The following GRM7 variants were observed in gnomAD, a reference collection of about 807,000 sequenced individuals.
GRM7 encodes glutamate metabotropic receptor 7.
Under a neutral mutation model 84.5 loss-of-function variants are expected in GRM7, and 35 were observed. The ratio of observed to expected loss-of-function variants is 0.41; its 90% CI spans 0.32 to 0.55. The LOEUF is 0.55. Among genes scored for constraint, GRM7 ranks in the 20% least tolerant of loss-of-function variants. GRM7 has a pLI of 0.19. For missense variants in GRM7, 1,003 were observed against 1,194.6 expected, an observed-to-expected ratio of 0.84 and a Z score of 2.36; for synonymous variants, 487 against 455.1, an observed-to-expected ratio of 1.07 and a Z score of -0.89.
chr3:7,645,495 C>T (rs1263547447), intron 8 of GRM7, among the ~76,000 whole-genome samples: 2 of 141,382 alleles, frequency 1.4e-5, no homozygotes, highest in Middle Eastern at 3.8e-3. Context: ...TGCAGTGAGC[C>T]GAGGTTGCCC....
chr3:7,532,955 C>G (rs886342272), intron 7 of GRM7, among the ~76,000 whole-genome samples: 2 of 151,094 alleles, frequency 1.3e-5, no homozygotes, highest in Admixed American at 6.6e-5. Flanking sequence ...GCTGACTATC[C>G]TAAATACATA....
rs1692779311 is a variant in GRM7 at position 7,109,734 on chromosome 3, G to T, written c.520-36718G>T. Among the ~76,000 whole-genome samples the T allele has an allele frequency of 2.6e-5, 4 of 152,218 alleles. 1 individual carries two copies. In the South Asian group the frequency reaches 8.3e-4, roughly 32 times the overall value. ...TGAATCAATTCACTTGCCAGTAAAA[G>T]AACATTTCCATCTGTATATTTCTTT... On this transcript the variant is annotated intron_variant, in intron 1 of 9. Transcript: ENST00000357716.
intron 1 of GRM7, among the ~76,000 whole-genome samples, chr3:7,067,378 C>T (rs531643881): frequency 1.1e-4 from 17 of 151,990 alleles, no homozygotes; most frequent in African/African-American, 1.4e-4. Flanking sequence ...ACATCAACAA[C>T]GGCCAAGCAG....
intron 1 of GRM7, among the ~76,000 whole-genome samples, chr3:6,962,730 G>T (rs1693350113): frequency 6.6e-6 from 1 of 152,118 alleles, no homozygotes; most frequent in African/African-American, 2.4e-5. Flanking sequence ...TAAAAGTCTT[G>T]CTCTTAACTA....
intron 5 of GRM7, among the ~76,000 whole-genome samples, chr3:7,433,778 CA>C (rs1349620441): frequency 6.6e-6 from 1 of 152,000 alleles, no homozygotes; most frequent in Non-Finnish European, 1.5e-5. Context: ...AGAAGGCTTA[CA>C]AAAAATGGGA....
chr3:6,927,926 A>G (rs771567771), intron 1 of GRM7, among the ~76,000 whole-genome samples: 5 of 152,190 alleles, frequency 3.3e-5, no homozygotes, highest in Admixed American at 6.5e-5. Context: ...GCCATTGTAC[A>G]TAGATTTCTG....
At chr3:7,722,241 C>T (rs757523097) in intron 9 of GRM7, among the ~76,000 whole-genome samples, 4 of 152,154 alleles carry the variant, frequency 2.6e-5, no homozygotes, top group Non-Finnish European at 4.4e-5. Flanking sequence ...GAAGATTAAG[C>T]ATAGCTAAAA....
intron 1 of GRM7, among the ~76,000 whole-genome samples, chr3:7,069,139 C>A (rs886235608): frequency 2.0e-5 from 3 of 151,382 alleles, no homozygotes; most frequent in Non-Finnish European, 4.4e-5. Context: ...ATTAAAGAAC[C>A]CTTAATATTG....
chr3:7,498,089 C>A (rs1439062758), intron 7 of GRM7, among the ~76,000 whole-genome samples: 1 of 152,214 alleles, frequency 6.6e-6, no homozygotes, highest in Non-Finnish European at 1.5e-5. Flanking sequence ...AGTATCCTCT[C>A]TTCAAGTATA....
chr3:6,972,277 TTC>T (rs1383292141), intron 1 of GRM7, among the ~76,000 whole-genome samples: 1 of 152,172 alleles, frequency 6.6e-6, no homozygotes, highest in African/African-American at 2.4e-5. Context: ...CCTGTGAATT[TTC>T]TCTGAGTTAG....
intron 7 of GRM7, among the ~76,000 whole-genome samples, chr3:7,475,280 G>A (rs371049746): frequency 5.9e-5 from 9 of 152,252 alleles, no homozygotes; most frequent in South Asian, 2.1e-4. Context: ...TCTTAGCAGG[G>A]AACTTGATGC....
At chr3:7,193,174 G>A (rs754291499) in intron 2 of GRM7, among the ~76,000 whole-genome samples, 1 of 152,058 alleles carries the variant, frequency 6.6e-6, no homozygotes, top group Admixed American at 6.6e-5. Context: ...CTCAGTAGAT[G>A]TTTCTTTAAG....
chr3:6,981,197 A>G (rs1376118192), intron 1 of GRM7, among the ~76,000 whole-genome samples: 1 of 152,200 alleles, frequency 6.6e-6, no homozygotes, highest in Non-Finnish European at 1.5e-5. Context: ...TACTTAAATT[A>G]TACATGTTTG....
intron 8 of GRM7, among the ~76,000 whole-genome samples, chr3:7,635,860 CAG>C (rs1389223434): frequency 2.0e-5 from 3 of 151,844 alleles, no homozygotes; most frequent in Non-Finnish European, 2.9e-5. Context: ...ATATTTTATA[CAG>C]ATAGGGTCTC....
At chr3:7,357,230 C>G (rs1693449029) in intron 4 of GRM7, among the ~76,000 whole-genome samples, 1 of 150,572 alleles carries the variant, frequency 6.6e-6, no homozygotes, top group Non-Finnish European at 1.5e-5. Flanking sequence ...TTTACTACTT[C>G]AAAAAAAACA....
At chr3:6,890,618 C>A (rs923430710) in intron 1 of GRM7, among the ~76,000 whole-genome samples, 4 of 152,064 alleles carry the variant, frequency 2.6e-5, no homozygotes, top group Non-Finnish European at 4.4e-5. Flanking sequence ...AATTTCTGAT[C>A]TTTTACATTT....
At chr3:7,375,212 C>CT in intron 4 of GRM7, among the ~76,000 whole-genome samples, 1 of 146,016 alleles carries the variant, frequency 6.8e-6, no homozygotes, top group South Asian at 2.2e-4. Flanking sequence ...TTTAAACATC[C>CT]CCTTTTTTTT....
chr3:7,190,431 G>C (rs1695672652), intron 2 of GRM7, among the ~76,000 whole-genome samples: 1 of 152,064 alleles, frequency 6.6e-6, no homozygotes, highest in African/African-American at 2.4e-5. Flanking sequence ...ATGTGTGTTG[G>C]TTTTAGACTC....
intron 2 of GRM7, among the ~76,000 whole-genome samples, chr3:7,294,057 T>C (rs1277637088): frequency 1.3e-5 from 2 of 152,228 alleles, no homozygotes; most frequent in African/African-American, 4.8e-5. Context: ...CCAATCTCTC[T>C]CTTCTGTTGA....
Sources: gnomAD v4.1 joint callset for allele counts (sites outside exome capture counted in the v4.1 genomes callset) on GRCh38, gnomAD v4.1.1 for gene constraint, MANE v1.5 for transcripts, NCBI Gene and HGNC (gene_info 2026-07-23, HGNC 2026-07-21) for gene names.